CHST11: variants seen among roughly 807,000 people sequenced by gnomAD.
CHST11 encodes the protein carbohydrate sulfotransferase 11.
A neutral mutation model predicts 30.4 loss-of-function variants in CHST11; 9 were observed. The observed-to-expected ratio is 0.30, with a 90% CI of 0.18 to 0.52. The LOEUF is 0.52. CHST11 is among the 20% of genes least tolerant of loss of function. The pLI is 0.97. For missense variants in CHST11, 348 were observed against 460.6 expected (o/e 0.76, Z 2.24); for synonymous variants, 152 against 187.8 (o/e 0.81, Z 1.56).
At chr12:104,483,536 A>G (rs1205686915) in intron 1 of CHST11, among the ~76,000 whole-genome samples, 1 of 151,652 alleles carries the variant, frequency 6.6e-6, no homozygotes, top group East Asian at 1.9e-4. Context: ...TTTTCATTGC[A>G]CTCCATTTGT....
rs533353156 is a variant in CHST11 at position 104,509,581 on chromosome 12, A to G, written c.118+52052A>G. Reference sequence around the variant, plus strand: ...CTCAATTTATACCTGTTGAACATTGATAGAGGAATTTCATCTTACTCTCGT... The same window carrying G: ...CTCAATTTATACCTGTTGAACATTGGTAGAGGAATTTCATCTTACTCTCGT... On this transcript the variant is annotated intron_variant, in intron 1 of 2. Coordinates refer to ENST00000303694, the MANE Select transcript of CHST11 (RefSeq NM_018413.6). 4.8e-4 allele frequency among the ~76,000 whole-genome samples: 73 copies of G among 152,292 alleles called. 1 individual carries two copies. In the South Asian group the frequency reaches 6.2e-3, roughly 13 times the overall value.
chr12:104,470,560 AT>A (rs1490044481), intron 1 of CHST11, among the ~76,000 whole-genome samples: 1 of 152,220 alleles, frequency 6.6e-6, no homozygotes, highest in East Asian at 1.9e-4. Flanking sequence ...TCAAACCCTT[AT>A]TTGATTCAAC....
chr12:104,535,551 A>G (rs915662746), intron 1 of CHST11, among the ~76,000 whole-genome samples: 2 of 152,120 alleles, frequency 1.3e-5, no homozygotes, highest in Non-Finnish European at 1.5e-5. Flanking sequence ...TGCTTACCTC[A>G]AGGAACATAA....
At chr12:104,701,610 A>G (rs946458771) in intron 2 of CHST11, among the ~76,000 whole-genome samples, 3 of 152,208 alleles carry the variant, frequency 2.0e-5, no homozygotes, top group African/African-American at 7.2e-5. Flanking sequence ...TTCGGCATTG[A>G]GCAGACTAGC....
chr12:104,526,739 C>T (rs772795165), intron 1 of CHST11, among the ~76,000 whole-genome samples: 8 of 152,144 alleles, frequency 5.3e-5, no homozygotes, highest in South Asian at 2.1e-4. Flanking sequence ...CTGGGGGTTC[C>T]GAGAACCCTG....
intron 1 of CHST11, among the ~76,000 whole-genome samples, chr12:104,577,295 A>G (rs1439268309): frequency 6.9e-6 from 1 of 144,426 alleles, no homozygotes; most frequent in Non-Finnish European, 1.5e-5. Flanking sequence ...TACACATAAC[A>G]TAAAATTTAC....
intron 2 of CHST11, among the ~76,000 whole-genome samples, chr12:104,631,266 T>TC (rs775361548): frequency 1.3e-5 from 2 of 152,156 alleles, no homozygotes; most frequent in Non-Finnish European, 2.9e-5. Context: ...TTCAGTGGGG[T>TC]CACCCGGGGC....
intron 2 of CHST11, among the ~76,000 whole-genome samples, chr12:104,654,638 C>A (rs957930524): frequency 6.6e-6 from 1 of 152,086 alleles, no homozygotes; most frequent in Non-Finnish European, 1.5e-5. Context: ...CATGCCACCC[C>A]CTGCCCCCAG....
At chr12:104,724,571 G>A (rs2136128758) in intron 2 of CHST11, among the ~76,000 whole-genome samples, 1 of 152,218 alleles carries the variant, frequency 6.6e-6, no homozygotes, top group East Asian at 1.9e-4. Context: ...ACAGGGTTAG[G>A]AGCAGCAGCC....
intron 1 of CHST11, among the ~76,000 whole-genome samples, chr12:104,500,030 T>A (rs2037837971): frequency 6.6e-6 from 1 of 152,262 alleles, no homozygotes; most frequent in Non-Finnish European, 1.5e-5. Context: ...CCTTCTATTT[T>A]TCCCTGTAGC....
chr12:104,570,333 T>C (rs1278701125), intron 1 of CHST11, among the ~76,000 whole-genome samples: 2 of 152,112 alleles, frequency 1.3e-5, no homozygotes, highest in East Asian at 3.8e-4. Context: ...CCCCTCCCAC[T>C]AGTAGGTGTG....
chr12:104,531,430 G>T (rs2038182529), intron 1 of CHST11, among the ~76,000 whole-genome samples: 2 of 147,842 alleles, frequency 1.4e-5, no homozygotes, highest in South Asian at 4.2e-4. Flanking sequence ...GCTGCAGTGA[G>T]CTATGATTGT....
intron 1 of CHST11, among the ~76,000 whole-genome samples, chr12:104,564,542 T>C (rs2038542503): frequency 6.6e-6 from 1 of 152,194 alleles, no homozygotes; most frequent in Admixed American, 6.5e-5. Flanking sequence ...CTGCAAACAA[T>C]GTAACTGTTG....
intron 2 of CHST11, among the ~76,000 whole-genome samples, chr12:104,692,305 C>T (rs933596413): frequency 6.6e-6 from 1 of 152,212 alleles, no homozygotes; most frequent in Non-Finnish European, 1.5e-5. Flanking sequence ...ATTGTCCATC[C>T]AGACAATGTG....
At chr12:104,544,825 T>TA (rs2038330566) in intron 1 of CHST11, among the ~76,000 whole-genome samples, 1 of 142,690 alleles carries the variant, frequency 7.0e-6, no homozygotes, top group Non-Finnish European at 1.5e-5. Context: ...TTCAAAATAA[T>TA]ACTAAAGTCA....
chr12:104,699,381 T>C (rs893282567), intron 2 of CHST11, among the ~76,000 whole-genome samples: 2 of 152,228 alleles, frequency 1.3e-5, no homozygotes, highest in Non-Finnish European at 2.9e-5. Flanking sequence ...TTGTTAAATA[T>C]TAATTACATG....
chr12:104,694,378 C>T (rs1297736881), intron 2 of CHST11, among the ~76,000 whole-genome samples: 1 of 152,200 alleles, frequency 6.6e-6, no homozygotes, highest in Non-Finnish European at 1.5e-5. Context: ...ATTCCTCTTA[C>T]TCAGCATTCA....
intron 2 of CHST11, among the ~76,000 whole-genome samples, chr12:104,669,420 A>ATT (rs34475114): frequency 6.6e-6 from 1 of 151,938 alleles, no homozygotes; most frequent in African/African-American, 2.4e-5. Flanking sequence ...GGTGCAAATG[A>ATT]TTTTTTTTCC....
At chr12:104,495,900 A>G (rs945185203) in intron 1 of CHST11, among the ~76,000 whole-genome samples, 1 of 152,192 alleles carries the variant, frequency 6.6e-6, no homozygotes, top group Admixed American at 6.5e-5. Flanking sequence ...CCATATCAAG[A>G]AAGTTATAGA....
Sources: allele counts gnomAD v4.1 joint callset (sites outside exome capture counted in the v4.1 genomes callset), GRCh38; gene constraint gnomAD v4.1.1; transcripts MANE v1.5; gene names NCBI Gene and HGNC (gene_info 2026-07-23, HGNC 2026-07-21).